Variants in ARAP2 observed in about 807,000 individuals in gnomAD.
ARAP2 encodes the protein ArfGAP with RhoGAP domain, ankyrin repeat and PH domain 2.
Under a neutral mutation model 194.5 loss-of-function variants are expected in ARAP2, and 148 were observed. The observed-to-expected ratio is 0.76, with a 90% CI of 0.67 to 0.87. The LOEUF (loss-of-function observed/expected upper bound fraction) is 0.87. Among genes scored for constraint, ARAP2 ranks in the 40% least tolerant of loss-of-function variants. ARAP2 has a pLI of 0.00. For synonymous variants in ARAP2, 695 were observed against 683.5 expected, an observed-to-expected ratio of 1.02 and a Z score of -0.26; for missense variants, 2,128 against 1,989.7, an observed-to-expected ratio of 1.07 and a Z score of -1.32.
chr4:36,089,102 C>T (rs1040661961), intron 28 of ARAP2, among the ~76,000 whole-genome samples: 2 of 152,048 alleles, frequency 1.3e-5, no homozygotes, highest in Non-Finnish European at 2.9e-5. Context: ...GAAAGTACCC[C>T]ACTGACCCTT....
rs140524220 is a variant in ARAP2 at position 36,226,663 on chromosome 4, A to G, written c.905+1919T>C. Among the ~76,000 whole-genome samples the G allele has an allele frequency of 5.8e-3, 880 of 152,326 alleles. 7 individuals are homozygous for G. The highest frequency in any genetic ancestry group is 0.02 in the African/African-American group (833 of 41,550). On this transcript the variant is annotated intron_variant, in intron 2 of 32. Transcript: ENST00000303965. ...AACTCATATTACTTGTATGAAATAA[A>G]TTTGTATGCTTTTCTCCTGTTAATC...
chr4:36,119,533 C>G, intron 24 of ARAP2, 117 bp downstream of exon 24: 1 of 587,166 alleles, frequency 1.7e-6, no homozygotes, highest in Non-Finnish European at 2.8e-6. Flanking sequence ...TTTTTTCACT[C>G]ATTACTTTTA....
intron 22 of ARAP2, 26 bp downstream of exon 22, chr4:36,124,836 C>G: frequency 7.0e-7 from 1 of 1,420,272 alleles, no homozygotes; most frequent in Non-Finnish European, 9.8e-7. Context: ...TTTGAAATGT[C>G]GAGAAAAGTT....
At chr4:36,037,177 T>C (rs898095557) in intron 5 of ARAP2, among the ~76,000 whole-genome samples, 3 of 152,168 alleles carry the variant, frequency 2.0e-5, no homozygotes, top group African/African-American at 7.2e-5. Context: ...AAAAGTAGCC[T>C]AGGAATATCT....
rs537892290 is a variant in ARAP2, at chr4:36,124,964, G to A, written c.3644C>T (p.Thr1215Met). Residue 1215 changes from threonine to methionine, a missense_variant, in exon 22 of 33, where the codon ACG (threonine) becomes ATG (methionine). Physicochemically the swap from Thr to Met is moderately conservative, Grantham distance 81. Transcript: ENST00000303965. ...TTTAATTCTTTCCTTGTCATCTTGC[G>A]TATCTGAAGGGGAAAAAAAAACAAT... Reference protein sequence around the residue: ...LYPYWISALDTQDDKERIKKY... With the variant: ...LYPYWISALDMQDDKERIKKY... 262 of 1,589,482 alleles carry A rather than the reference G, an allele frequency of 1.6e-4. 2 individuals carry two copies. The South Asian group carries it at 2.4e-3, about 15-fold the overall frequency.
chr4:36,154,293 C>T (rs1226329319), intron 15 of ARAP2, among the ~76,000 whole-genome samples: 1 of 152,138 alleles, frequency 6.6e-6, no homozygotes, highest in Non-Finnish European at 1.5e-5. Context: ...TAATCCTTTT[C>T]ATTTAAAATA....
intron 8 of ARAP2, among the ~76,000 whole-genome samples, chr4:36,184,675 G>A (rs1185239507): frequency 2.0e-5 from 3 of 152,178 alleles, no homozygotes; most frequent in African/African-American, 7.2e-5. Context: ...TTTCATACAA[G>A]TTGGAAGCTG....
rs56339538 is a variant in ARAP2 at position 36,125,126 on chromosome 4, C to T, written c.3641-159G>A. ...ATCGTTCAAAGTTCTAAAGTAATTG[C>T]CTATTAATCTGGAAAAGCATTTATT... On this transcript the variant is annotated intron_variant, in intron 21 of 32. Coordinates refer to ENST00000303965, the MANE Select transcript of ARAP2 (RefSeq NM_015230.4). 5.3e-3 allele frequency among the ~76,000 whole-genome samples: 808 copies of T among 151,976 alleles called. 11 individuals are homozygous for T. The highest frequency in any genetic ancestry group is 0.018 in the African/African-American group (761 of 41,476).
At chr4:36,197,469 A>T (rs139128985) in intron 6 of ARAP2, among the ~76,000 whole-genome samples, 27 of 152,362 alleles carry the variant, frequency 1.8e-4, no homozygotes, top group African/African-American at 6.0e-4. Context: ...CAAAATAAAC[A>T]CTTTGTAAAA....
chr4:36,212,513 A>AAT, intron 4 of ARAP2, 26 bp from the exon 5 acceptor site: 2 of 1,551,060 alleles, frequency 1.3e-6, no homozygotes, highest in East Asian at 4.5e-5. Context: ...ACAAACAAAA[A>AAT]ACACATACTG....
chr4:36,204,966 C>T (rs1443775545), intron 6 of ARAP2, among the ~76,000 whole-genome samples: 2 of 120,892 alleles, frequency 1.7e-5, no homozygotes, highest in African/African-American at 6.6e-5. Context: ...CCAGCCTGGG[C>T]AACCGAGCGA....
intron 9 of ARAP2, among the ~76,000 whole-genome samples, chr4:36,167,501 G>T (rs1735557565): frequency 6.6e-6 from 1 of 152,116 alleles, no homozygotes; most frequent in African/African-American, 2.4e-5. Context: ...CTAGTTGTAT[G>T]TGGTAGAAAA....
At chr4:36,220,770 T>C (rs148917868) in intron 2 of ARAP2, among the ~76,000 whole-genome samples, 1 of 152,258 alleles carries the variant, frequency 6.6e-6, no homozygotes, top group Non-Finnish European at 1.5e-5. Context: ...AACGAGGATA[T>C]AAAGAATATT....
At position 36,187,484 on chromosome 4, in the gene ARAP2, G is replaced by C; in HGVS notation, c.1645C>G (p.Gln549Glu). 3 of 1,501,268 alleles carry C rather than the reference G, an allele frequency of 2.0e-6. No individual in the cohort carries two copies. Among genetic ancestry groups the C allele is most frequent in the Non-Finnish European group, 2.7e-6 (3 of 1,108,088 alleles). 93.0% of individuals were successfully genotyped at this position (1,501,268 alleles called of 1,614,324 possible). The change falls in exon 8 of 33, where the codon CAA (glutamine) becomes GAA (glutamate). Residue 549 changes from glutamine (Q) to glutamate (E), a missense_variant. Coordinates refer to ENST00000303965, the MANE Select transcript of ARAP2 (RefSeq NM_015230.4). Reference protein sequence around the residue: ...GDNKFEVVTTQRTFVFRVEKE... With the variant: ...GDNKFEVVTTERTFVFRVEKE... ...TCTACTCTAAAAACAAAAGTTCTTT[G>C]TGTTGTAACAACTTCAAATTTGTTG...
At chr4:36,215,419 A>G (rs1457267994) in intron 2 of ARAP2, among the ~76,000 whole-genome samples, 1 of 152,220 alleles carries the variant, frequency 6.6e-6, no homozygotes, top group African/African-American at 2.4e-5. Context: ...CTTTTGCTTC[A>G]TATCATGCAC....
At chr4:36,140,502 T>A (rs898270242) in intron 19 of ARAP2, among the ~76,000 whole-genome samples, 1 of 151,744 alleles carries the variant, frequency 6.6e-6, no homozygotes, top group Non-Finnish European at 1.5e-5. Context: ...AATTAAATCA[T>A]CAGAAAGTTA....
chr4:36,168,254 T>C (rs1166205322), intron 9 of ARAP2, among the ~76,000 whole-genome samples: 1 of 152,318 alleles, frequency 6.6e-6, no homozygotes, highest in East Asian at 1.9e-4. Flanking sequence ...AAGAAAGCCT[T>C]TCAGCCCTTA....
chr4:36,223,668 G>A (rs1206124859), intron 2 of ARAP2, among the ~76,000 whole-genome samples: 1 of 151,986 alleles, frequency 6.6e-6, no homozygotes, highest in Non-Finnish European at 1.5e-5. Context: ...TAAGGGTGGG[G>A]CCCTGTTCCA....
intron 1 of ARAP2, among the ~76,000 whole-genome samples, chr4:36,230,147 T>G (rs1751154954): frequency 6.6e-6 from 1 of 152,200 alleles, no homozygotes; most frequent in African/African-American, 2.4e-5. Flanking sequence ...ACAGGTAACT[T>G]CTCAGTGTCT....
Sources: gnomAD v4.1 joint callset for allele counts (sites outside exome capture counted in the v4.1 genomes callset) on GRCh38, gnomAD v4.1.1 for gene constraint, MANE v1.5 for transcripts, NCBI Gene and HGNC (gene_info 2026-07-23, HGNC 2026-07-21) for gene names.